Variants in EOMES observed in about 807,000 individuals in gnomAD.
EOMES encodes eomesodermin.
Under a neutral mutation model 61.0 loss-of-function variants are expected in EOMES, and 18 were observed. The observed-to-expected ratio is 0.30, with a 90% CI of 0.20 to 0.44. The LOEUF (loss-of-function observed/expected upper bound fraction) is 0.44, where lower values mean the gene tolerates loss of function less well. Ranked by LOEUF, EOMES falls within the 20% of genes least tolerant of loss-of-function variation. The pLI is 1.00. For synonymous variants in EOMES, 430 were observed against 394.0 expected (o/e 1.09, Z -1.08); for missense variants, 885 against 939.2 (o/e 0.94, Z 0.75).
In EOMES at chr3:27,722,184, G is replaced by A. The variant is rs751207604; in HGVS notation, c.111C>T (p.Pro37=). The A allele has an allele frequency of 2.3e-5, 36 of 1,597,816 alleles. No individual in the cohort carries two copies. The South Asian group carries it at 3.8e-4, about 17-fold the overall frequency. Residue 37 remains proline (P), a synonymous_variant, in exon 1 of 6, where the codon CCC becomes CCT. Transcript: ENST00000449599. ...GGSGGSAGHL[P]SAAPSPQKLD... is the part of the protein sequence containing the mutation. The stretch of plus-strand genomic sequence containing the variant: ...ACTTCTGAGGAGAGGGGGCCGCGCT[G>A]GGGAGGTGGCCAGCGCTCCCGCCGC...
chr3:27,720,922 G>A (rs1208901220), intron 1 of EOMES, among the ~76,000 whole-genome samples: 1 of 152,076 alleles, frequency 6.6e-6, no homozygotes, highest in Admixed American at 6.5e-5. Flanking sequence ...CTCCGACCGA[G>A]CTTCCGAGGC....
intron 1 of EOMES, among the ~76,000 whole-genome samples, chr3:27,720,949 A>T (rs879515094): frequency 1.3e-5 from 2 of 152,074 alleles, no homozygotes; most frequent in Non-Finnish European, 2.9e-5. Flanking sequence ...TCTAGCCTTC[A>T]TGCCCACCTC....
chr3:27,720,455 A>G (rs2060602759), intron 1 of EOMES, 130 bp from the exon 2 acceptor site: 2 of 559,268 alleles, frequency 3.6e-6, no homozygotes, highest in Non-Finnish European at 6.5e-6. Flanking sequence ...AGTGAACAGA[A>G]TGCTGGTAGA....
Position 27,717,850 on chromosome 3 carries a change from T to G in EOMES, c.1380-42A>C. ...AACACTTAAAAAAAAAAAAAAACCC[T>G]AATGTTGTCCCCAAACAAACCACCT... On this transcript the variant is annotated intron_variant, in intron 5 of 5. Coordinates refer to ENST00000449599, the MANE Select transcript of EOMES (RefSeq NM_001278182.2). This position sits in a 1 kb window ranked among gnomAD's most constrained non-coding sequence, Gnocchi z 4.5. 9.0e-7 allele frequency: 1 copy of G among 1,110,608 alleles called. No individual in the cohort carries two copies. The highest frequency in any genetic ancestry group is 1.2e-6 in the Non-Finnish European group (1 of 810,510). 68.8% of individuals were successfully genotyped at this position (1,110,608 alleles called of 1,614,324 possible).
In EOMES at chr3:27,722,207, C is replaced by T; in HGVS notation, c.88G>A (p.Gly30Ser). Residue 30 changes from glycine (G) to serine (S), a missense_variant, in exon 1 of 6, where the codon GGC becomes AGC. Coordinates refer to ENST00000449599, the MANE Select transcript of EOMES (RefSeq NM_001278182.2). ...CTGGGGAGGTGGCCAGCGCTCCCGC[C>T]GCTGCCGCCTCGCGCACTCTCCAGC... ...YPLESARGGS[G>S]GSAGHLPSAA... 1 of 1,604,638 alleles carries T rather than the reference C, an allele frequency of 6.2e-7. No homozygotes were observed. Among genetic ancestry groups the T allele is most frequent in the Non-Finnish European group, 8.5e-7 (1 of 1,176,630 alleles).
chr3:27,716,379 T>TC lies in EOMES; in HGVS notation c.*690_*691insG, dbSNP rs1234945508. 2.7e-5 allele frequency: 4 copies of TC among 147,026 alleles called. No individual in the cohort carries two copies. The East Asian group carries it at 7.9e-4, about 29-fold the overall frequency. The allele number at this position is 147,026 out of a possible 1,614,324, so 9.1% of individuals were successfully genotyped here. On this transcript the variant is annotated 3_prime_UTR_variant, in exon 6 of 6. Transcript: ENST00000449599. ...ACTGTACACTTTTAAATTCTCCCTTTTTTTTTTTTTTTTTTTTGGTGACTC... is the reference window on the plus strand; with the variant it reads ...ACTGTACACTTTTAAATTCTCCCTTTCTTTTTTTTTTTTTTTTTGGTGACTC...
In EOMES at chr3:27,717,470, G is replaced by A. The variant is rs755072517; in HGVS notation, c.1718C>T (p.Pro573Leu). Reference sequence around the variant, plus strand: ...CCCCAGGGCATGGGATGTCTGAAGGGGCAAGGATTTAATGCCATATGGGAG... The same window carrying A: ...CCCCAGGGCATGGGATGTCTGAAGGAGCAAGGATTTAATGCCATATGGGAG... The part of the protein sequence containing the change: ...TLLPYGIKSL[P>L]LQTSHALGYY... The change falls in exon 6 of 6, where the codon CCC becomes CTC. Residue 573 changes from proline (P) to leucine (L), a missense_variant. Around this residue, in one of 3 missense-constraint regions of EOMES, gnomAD observed 259 missense variants for 282.3 expected, o/e 0.92. Coordinates refer to ENST00000449599, the MANE Select transcript of EOMES (RefSeq NM_001278182.2). The surrounding 1 kb of genome is among the most constrained non-coding windows in gnomAD (Gnocchi z 4.5). The A allele has an allele frequency of 2.5e-6, 4 of 1,614,170 alleles. No homozygotes were observed. The highest frequency in any genetic ancestry group is 2.5e-6 in the Non-Finnish European group (3 of 1,180,040).
rs1339912811 is a variant in EOMES, at chr3:27,721,554, T to C, written c.741A>G (p.Ala247=). Residue 247 remains alanine, a synonymous_variant, in exon 1 of 6, where the codon GCA becomes GCG. Coordinates refer to ENST00000449599, the MANE Select transcript of EOMES (RefSeq NM_001278182.2). The surrounding 1 kb of genome is among the most constrained non-coding windows in gnomAD (Gnocchi z 7.4). ...CCAGTCCTCCGCAAGATCCCGCCGC[T>C]GCGGCTCCAGGGTACGGCCCGTAGA... ...APLYGPYPGA[A]AAGSCGGLGG... is the part of the protein sequence containing the mutation. The C allele has an allele frequency of 1.9e-6, 3 of 1,605,576 alleles. No homozygotes were observed. Among genetic ancestry groups the C allele is most frequent in the Non-Finnish European group, 2.5e-6 (3 of 1,176,764 alleles).
intron 2 of EOMES, 39 bp downstream of exon 2, chr3:27,720,132 C>T (rs770710238): frequency 1.5e-5 from 23 of 1,520,230 alleles, no homozygotes; most frequent in African/African-American, 8.4e-5. Flanking sequence ...GATTTCTTCC[C>T]GCCCGTTCCT....
intron 1 of EOMES, 92 bp from the exon 2 acceptor site, chr3:27,720,417 T>G: frequency 2.9e-6 from 3 of 1,027,598 alleles, no homozygotes; most frequent in Non-Finnish European, 4.6e-6. Context: ...ACACCTGGGA[T>G]AGGGTCGGAA....
chr3:27,721,931 C>CGGA lies in EOMES; in HGVS notation c.363_364insTCC (p.Ala121_Ala122insSer). The CGGA allele has an allele frequency of 7.3e-7, 1 of 1,369,492 alleles. No homozygotes were observed. The highest frequency in any genetic ancestry group is 9.3e-7 in the Non-Finnish European group (1 of 1,074,078). 84.8% of individuals were successfully genotyped at this position (1,369,492 alleles called of 1,614,324 possible). A position where few individuals can be genotyped will look rare whatever the true frequency, so the allele number is the denominator to read the frequency against. ...GCCGCAGCCGCGGCGGCGGCGGCGG[C>CGGA]GGCGGCTGCAGCGGCGGAGGGCAGC... On this transcript the variant is annotated inframe_insertion, in exon 1 of 6. Coordinates refer to ENST00000449599, the MANE Select transcript of EOMES (RefSeq NM_001278182.2). This position sits in a 1 kb window ranked among gnomAD's most constrained non-coding sequence, Gnocchi z 7.4.
rs1374223176 is a variant in EOMES, at chr3:27,721,510, C to T, written c.785G>A (p.Gly262Asp). The stretch of plus-strand genomic sequence containing the variant: ...GTAGACGTGGGCACGGAAGCCAGAA[C>T]CTGGAACCCCCAGGCCCCCCAGTCC... ...CGGLGGLGVP[G>D]SGFRAHVYLC... The change falls in exon 1 of 6, where the codon GGT (glycine) becomes GAT (aspartate). Residue 262 changes from glycine (G) to aspartate (D), a missense_variant. Around this residue, in one of 3 missense-constraint regions of EOMES, gnomAD observed 177 missense variants for 273.3 expected, o/e 0.65. Coordinates refer to ENST00000449599, the MANE Select transcript of EOMES (RefSeq NM_001278182.2). This position sits in a 1 kb window ranked among gnomAD's most constrained non-coding sequence, Gnocchi z 7.4. 6.2e-7 allele frequency: 1 copy of T among 1,612,748 alleles called. No homozygotes were observed. The highest frequency in any genetic ancestry group is 2.2e-5 in the East Asian group (1 of 44,822).
chr3:27,718,564 G>A, intron 5 of EOMES, 23 bp downstream of exon 5: 1 of 1,557,586 alleles, frequency 6.4e-7, no homozygotes, highest in Non-Finnish European at 8.8e-7. Context: ...GATCAGGCAA[G>A]TGTGGATAAA....
Position 27,719,383 on chromosome 3 carries a change from C to T in EOMES, c.1135G>A (p.Gly379Ser). ...FGKLKLTNNKGANNNNTQMIV... is the reference protein window; with the variant it reads ...FGKLKLTNNKSANNNNTQMIV... ...ACCTGGGTGTTGTTGTTATTTGCGC[C>T]TTTGTTATTGGTGAGTTTTAATTTC... The change falls in exon 3 of 6, where the codon GGC becomes AGC. Residue 379 changes from glycine to serine, a missense_variant. Around this residue, in one of 3 missense-constraint regions of EOMES, gnomAD observed 177 missense variants for 273.3 expected, o/e 0.65. Coordinates refer to ENST00000449599, the MANE Select transcript of EOMES (RefSeq NM_001278182.2). The T allele has an allele frequency of 6.2e-7, 1 of 1,614,064 alleles. No homozygotes were observed. The highest frequency in any genetic ancestry group is 8.5e-7 in the Non-Finnish European group (1 of 1,179,972).
rs555482581 is a variant in EOMES at position 27,721,312 on chromosome 3, C to T, written c.881+102G>A. On this transcript the variant is annotated intron_variant, in intron 1 of 5. Transcript: ENST00000449599. This position sits in a 1 kb window ranked among gnomAD's most constrained non-coding sequence, Gnocchi z 7.4. ...GCGCGCGGTGAAACACTCTAAGCAC[C>T]GCGCGGAACAACTGGGTTCAGCTCC... 21 of 946,456 alleles carry T rather than the reference C, an allele frequency of 2.2e-5. No individual in the cohort carries two copies. The highest frequency in any genetic ancestry group is 2.9e-5 in the Non-Finnish European group (18 of 625,816). 58.6% of individuals were successfully genotyped at this position (946,456 alleles called of 1,614,324 possible). A position where few individuals can be genotyped will look rare whatever the true frequency, so the allele number is the denominator to read the frequency against.
In EOMES at chr3:27,717,846, ACCCT is replaced by A; in HGVS notation, c.1380-42_1380-39del. ...GAGAAACACTTAAAAAAAAAAAAAA[ACCCT>A]AATGTTGTCCCCAAACAAACCACCT... On this transcript the variant is annotated intron_variant, in intron 5 of 5. Transcript: ENST00000449599. This position sits in a 1 kb window ranked among gnomAD's most constrained non-coding sequence, Gnocchi z 4.5. The A allele has an allele frequency of 3.5e-5, 43 of 1,228,762 alleles. No individual in the cohort carries two copies. Among genetic ancestry groups the A allele is most frequent in the African/African-American group, 4.8e-5 (3 of 62,082 alleles). 76.1% of individuals were successfully genotyped at this position (1,228,762 alleles called of 1,614,324 possible). A position where few individuals can be genotyped will look rare whatever the true frequency, so the allele number is the denominator to read the frequency against.
chr3:27,718,916 T>C (rs771435744), intron 3 of EOMES, 23 bp from the exon 4 acceptor site: 17 of 1,573,792 alleles, frequency 1.1e-5, no homozygotes, highest in East Asian at 2.2e-5. Flanking sequence ...CAGAAAAAAA[T>C]TGCTAAATCT....
At chr3:27,718,930 A>C in intron 3 of EOMES, 37 bp from the exon 4 acceptor site, 1 of 1,523,530 alleles carries the variant, frequency 6.6e-7, no homozygotes, top group Non-Finnish European at 9.0e-7. Flanking sequence ...TAAATCTAAA[A>C]AGCCTCTTAG....
intron 2 of EOMES, 85 bp downstream of exon 2, chr3:27,720,086 T>C: frequency 7.5e-7 from 1 of 1,332,086 alleles, no homozygotes; most frequent in East Asian, 2.3e-5. Context: ...AAAAAAGTGC[T>C]ACATTTAAAT....
Sources: allele counts gnomAD v4.1 joint callset (sites outside exome capture counted in the v4.1 genomes callset), GRCh38; gene constraint gnomAD v4.1.1; regional missense constraint gnomAD v4.1.1; non-coding constraint Gnocchi (gnomAD v3.1); transcripts MANE v1.5; gene names NCBI Gene and HGNC (gene_info 2026-07-23, HGNC 2026-07-21).